The following ABCB11 variants were observed in gnomAD, a reference collection of about 807,000 sequenced individuals.
ABCB11 encodes ATP binding cassette subfamily B member 11, also known as bile salt export pump.
A neutral mutation model predicts 148.0 loss-of-function variants in ABCB11; 95 were observed. The observed-to-expected ratio is 0.64, with a 90% CI of 0.54 to 0.76. The LOEUF is 0.76. Ranked by LOEUF, ABCB11 falls within the 30% of genes least tolerant of loss-of-function variation. The pLI, the probability that ABCB11 is intolerant of heterozygous loss-of-function variation, is 0.00. For synonymous variants in ABCB11, 591 were observed against 555.4 expected, an observed-to-expected ratio of 1.06 and a Z score of -0.90; for missense variants, 1,523 against 1,617.8, an observed-to-expected ratio of 0.94 and a Z score of 1.01.
chr2:168,977,684 A>C (rs1204125502), intron 11 of ABCB11, among the ~76,000 whole-genome samples: 1 of 152,204 alleles, frequency 6.6e-6, no homozygotes, highest in Non-Finnish European at 1.5e-5. Context: ...TCATAGTTCC[A>C]AATGGCTGGG....
At chr2:168,932,976 G>A (rs545360972) in intron 23 of ABCB11, among the ~76,000 whole-genome samples, 1 of 152,090 alleles carries the variant, frequency 6.6e-6, no homozygotes, top group South Asian at 2.1e-4. Context: ...GGGCGTGGTG[G>A]TGGTCGCCTG....
In ABCB11 at chr2:168,992,183, A is replaced by G. The variant is rs546943668; in HGVS notation, c.784-1258T>C. ...ATAAGGACAAGCATACACAGACTTG[A>G]AAGCAAGACAAGACATGTGCAGACC... On this transcript the variant is annotated intron_variant, in intron 8 of 27. Transcript: ENST00000650372. Among the ~76,000 whole-genome samples the G allele has an allele frequency of 1.6e-4, 24 of 152,078 alleles. 1 individual carries two copies. In the East Asian group the frequency reaches 4.7e-3, roughly 29 times the overall value.
chr2:169,008,822 A>G (rs1695094869), intron 5 of ABCB11, among the ~76,000 whole-genome samples: 1 of 152,228 alleles, frequency 6.6e-6, no homozygotes, highest in South Asian at 2.1e-4. Flanking sequence ...AGACATGTCC[A>G]CACAAAAATC....
chr2:168,977,132 A>C (rs1455814583), intron 11 of ABCB11, among the ~76,000 whole-genome samples: 1 of 148,642 alleles, frequency 6.7e-6, no homozygotes, highest in Non-Finnish European at 1.5e-5. Context: ...TTGTATTAAT[A>C]TTATAAATGT....
chr2:168,936,319 G>C lies in ABCB11; in HGVS notation c.2725C>G (p.Pro909Ala). ...GTGGCTCCTGATAAAGCCAAGAAGG[G>C]GAAGAAGCACAAGATGACCAGGCTC... is the stretch of plus-strand genomic sequence containing the variant. Reference protein sequence around the residue: ...KLSLVILCFFPFLALSGATQT... With the variant: ...KLSLVILCFFAFLALSGATQT... Residue 909 changes from proline to alanine, a missense_variant, in exon 22 of 28, where the codon CCC becomes GCC. By Grantham distance (27) the Pro-to-Ala change is conservative. Transcript: ENST00000650372. The C allele has an allele frequency of 6.2e-7, 1 of 1,613,928 alleles. No homozygotes were observed. The highest frequency in any genetic ancestry group is 8.5e-7 in the Non-Finnish European group (1 of 1,179,874).
intron 9 of ABCB11, among the ~76,000 whole-genome samples, chr2:168,989,985 T>G (rs552775124): frequency 6.6e-6 from 1 of 152,266 alleles, no homozygotes; most frequent in Admixed American, 6.5e-5. Flanking sequence ...AATGATTCTT[T>G]TAATGTGCTA....
intron 26 of ABCB11, 46 bp downstream of exon 26, chr2:168,927,110 C>G: frequency 6.6e-7 from 1 of 1,509,030 alleles, no homozygotes; most frequent in Non-Finnish European, 9.2e-7. Context: ...TTCTACTTCT[C>G]CCCATCCTTG....
At chr2:168,953,628 AT>A (rs1574426384) in intron 19 of ABCB11, among the ~76,000 whole-genome samples, 2 of 144,860 alleles carry the variant, frequency 1.4e-5, no homozygotes, top group African/African-American at 5.7e-5. Context: ...TAGTTGGATT[AT>A]TTTTTTAATC....
intron 6 of ABCB11, among the ~76,000 whole-genome samples, chr2:168,995,694 G>T (rs976098518): frequency 6.6e-6 from 1 of 151,814 alleles, no homozygotes; most frequent in Admixed American, 6.6e-5. Context: ...CTGAGATTTG[G>T]GTTTGAATCC....
chr2:168,941,821 C>T (rs1026418910), intron 21 of ABCB11, among the ~76,000 whole-genome samples: 3 of 151,956 alleles, frequency 2.0e-5, no homozygotes, highest in African/African-American at 4.8e-5. Flanking sequence ...CAGTCAGTTG[C>T]TATTAATAAA....
At chr2:169,011,722 T>C (rs914127351) in intron 5 of ABCB11, among the ~76,000 whole-genome samples, 3 of 152,114 alleles carry the variant, frequency 2.0e-5, no homozygotes, top group Non-Finnish European at 4.4e-5. Context: ...CTGTCACCCA[T>C]GTAATCACAG....
At chr2:168,991,033 A>T in intron 8 of ABCB11, 108 bp from the exon 9 acceptor site, 1 of 1,297,630 alleles carries the variant, frequency 7.7e-7, no homozygotes, top group East Asian at 2.4e-5. Context: ...ACAATATTAG[A>T]TTCTCACTGT....
At chr2:168,957,924 A>C in intron 19 of ABCB11, 40 bp downstream of exon 19, 3 of 1,427,150 alleles carry the variant, frequency 2.1e-6, no homozygotes, top group South Asian at 3.3e-5. Flanking sequence ...ATAAAATAAA[A>C]GGTATGAGAA....
At chr2:168,945,996 T>C (rs1411194809) in intron 19 of ABCB11, among the ~76,000 whole-genome samples, 2 of 151,850 alleles carry the variant, frequency 1.3e-5, no homozygotes, top group African/African-American at 2.4e-5. Context: ...TGTATAATGC[T>C]TAGTAAACTA....
At chr2:168,947,746 T>C (rs536544037) in intron 19 of ABCB11, among the ~76,000 whole-genome samples, 5 of 151,816 alleles carry the variant, frequency 3.3e-5, no homozygotes, top group Admixed American at 6.6e-5. Flanking sequence ...TTAGCAAATA[T>C]AACCCTGTGA....
At chr2:168,977,721 G>A (rs537656197) in intron 11 of ABCB11, among the ~76,000 whole-genome samples, 1 of 152,274 alleles carries the variant, frequency 6.6e-6, no homozygotes, top group South Asian at 2.1e-4. Context: ...TACAACCATG[G>A]TTGAAGGCAA....
intron 19 of ABCB11, among the ~76,000 whole-genome samples, chr2:168,949,001 A>C (rs853783): frequency 0.52 from 78,133 of 151,278 alleles, 20,661 homozygotes; most frequent in South Asian, 0.66. Flanking sequence ...TTATCATTTA[A>C]TAAGCTCTGA....
intron 7 of ABCB11, among the ~76,000 whole-genome samples, chr2:168,994,505 C>T (rs1694652273): frequency 6.6e-6 from 1 of 151,884 alleles, no homozygotes; most frequent in African/African-American, 2.4e-5. Context: ...AAAATAAGAA[C>T]AATAATAGAA....
intron 19 of ABCB11, among the ~76,000 whole-genome samples, chr2:168,946,910 A>G (rs931959884): frequency 4.0e-5 from 6 of 151,780 alleles, no homozygotes; most frequent in Admixed American, 2.6e-4. Context: ...CTAATGTTAA[A>G]ATTCATACAA....
Sources: allele counts gnomAD v4.1 joint callset (sites outside exome capture counted in the v4.1 genomes callset), GRCh38; gene constraint gnomAD v4.1.1; transcripts MANE v1.5; gene names NCBI Gene and HGNC (gene_info 2026-07-23, HGNC 2026-07-21).